Variants in PLXND1 observed in about 807,000 individuals in gnomAD.
PLXND1 encodes plexin D1.
A neutral mutation model predicts 197.7 loss-of-function variants in PLXND1; 54 were observed. The observed-to-expected ratio is 0.27, with a 90% CI of 0.22 to 0.34. The LOEUF (loss-of-function observed/expected upper bound fraction) is 0.34, where lower values mean the gene tolerates loss of function less well. Ranked by LOEUF, PLXND1 falls within the 10% of genes least tolerant of loss-of-function variation. The probability of loss-of-function intolerance (pLI) is 1.00; values close to 1 mark genes in which losing one functional copy is unlikely to be tolerated. For synonymous variants in PLXND1, 1,180 were observed against 1,161.2 expected (o/e 1.02, Z -0.33); for missense variants, 2,127 against 2,699.2 (o/e 0.79, Z 4.70).
At chr3:129,587,100 C>A (rs886068047) in intron 2 of PLXND1, among the ~76,000 whole-genome samples, 40 of 152,324 alleles carry the variant, frequency 2.6e-4, no homozygotes, top group African/African-American at 9.1e-4. Flanking sequence ...GCTGCCTCCC[C>A]TCTCTGAGCC....
intron 19 of PLXND1, 80 bp from the exon 20 acceptor site, chr3:129,570,037 T>C (rs1336042664): frequency 1.2e-6 from 1 of 811,846 alleles, no homozygotes; most frequent in Non-Finnish European, 2.1e-6. Flanking sequence ...TGTGTGGCCC[T>C]GGGTAAATTA....
chr3:129,584,625 G>A (rs1490009087), intron 5 of PLXND1, 63 bp from the exon 6 acceptor site: 3 of 1,487,770 alleles, frequency 2.0e-6, no homozygotes, highest in Non-Finnish European at 2.7e-6. Context: ...CTGCCCCAGG[G>A]CTGTGCACCA....
At chr3:129,602,821 G>A (rs1384255967) in intron 1 of PLXND1, among the ~76,000 whole-genome samples, 1 of 152,130 alleles carries the variant, frequency 6.6e-6, no homozygotes, top group African/African-American at 2.4e-5. Context: ...TGCATTTATC[G>A]ATTCATCTAG....
chr3:129,603,567 G>A (rs2085741904), intron 1 of PLXND1, among the ~76,000 whole-genome samples: 1 of 152,120 alleles, frequency 6.6e-6, no homozygotes, highest in African/African-American at 2.4e-5. Flanking sequence ...GGAGATGGTG[G>A]ATGAACCAAC....
chr3:129,560,901 T>C (rs923415586), intron 29 of PLXND1, 178 bp from the exon 30 acceptor site: 5 of 685,114 alleles, frequency 7.3e-6, no homozygotes, highest in Non-Finnish European at 1.1e-5. Context: ...AAAGAGACAG[T>C]CAGAGAGAAT....
Position 129,571,265 on chromosome 3 carries a change from C to A in PLXND1, c.3375G>T (p.Pro1125=), listed in dbSNP as rs777992382. ...KVLNSTLITC[P]SPGALSNASA... ...ATGCGTTGCTCAGGGCCCCGGGGGA[C>A]GGGCAGGTGATGAGGGTGGAGTTGA... Residue 1125 remains proline (P), a synonymous_variant, in exon 18 of 36, where the codon CCG becomes CCT. Transcript: ENST00000324093. 1 of 1,613,784 alleles carries A rather than the reference C, an allele frequency of 6.2e-7. No individual in the cohort carries two copies. The highest frequency in any genetic ancestry group is 8.5e-7 in the Non-Finnish European group (1 of 1,179,846).
intron 15 of PLXND1, 107 bp downstream of exon 15, chr3:129,572,502 G>T (rs959199204): frequency 1.3e-5 from 13 of 985,710 alleles, no homozygotes; most frequent in African/African-American, 1.7e-5. Flanking sequence ...CACAGCCAAT[G>T]AAGACCCAAG....
At position 129,557,374 on chromosome 3, in the gene PLXND1, C is replaced by T. The variant is rs566783557; in HGVS notation, c.5446-151G>A. 29 of 769,726 alleles carry T rather than the reference C, an allele frequency of 3.8e-5. No homozygotes were observed. The highest frequency in any genetic ancestry group is 5.5e-5 in the East Asian group (2 of 36,604). The allele number at this position is 769,726 out of a possible 1,614,324, so 47.7% of individuals were successfully genotyped here. A position where few individuals can be genotyped will look rare whatever the true frequency, so the allele number is the denominator to read the frequency against. On this transcript the variant is annotated intron_variant, in intron 33 of 35. Transcript: ENST00000324093. This position sits in a 1 kb window ranked among gnomAD's most constrained non-coding sequence, Gnocchi z 4.8. ...GTCTCACCCGGTCACTGAACGTCCC[C>T]GCACTCAGCCGGCCCCAGACCAGGG...
chr3:129,562,690 G>T, intron 27 of PLXND1, 97 bp downstream of exon 27: 1 of 1,153,540 alleles, frequency 8.7e-7, no homozygotes, highest in Non-Finnish European at 1.2e-6. Flanking sequence ...CCACATTCAT[G>T]CACCCATGCC....
At chr3:129,565,593 C>G in intron 24 of PLXND1, 55 bp from the exon 25 acceptor site, 1 of 1,485,898 alleles carries the variant, frequency 6.7e-7, no homozygotes, top group Non-Finnish European at 9.3e-7. Flanking sequence ...AGCTGTGGGT[C>G]CCAGGGTCTC....
intron 1 of PLXND1, among the ~76,000 whole-genome samples, chr3:129,590,450 C>T (rs545391633): frequency 2.6e-5 from 4 of 152,210 alleles, no homozygotes; most frequent in South Asian, 2.1e-4. Flanking sequence ...TCCGCAAAGA[C>T]GCAGGCACAA....
In PLXND1 at chr3:129,572,909, G is replaced by C. The variant is rs767983898; in HGVS notation, c.2870C>G (p.Pro957Arg). The C allele has an allele frequency of 6.2e-7, 1 of 1,613,580 alleles. No individual in the cohort carries two copies. The highest frequency in any genetic ancestry group is 1.3e-5 in the African/African-American group (1 of 74,934). ...GTTCACGGTCACCACACCTGAGAGTGGTCCTGGGGCTGGCCCTGTGACACA... is the reference window on the plus strand; with the variant it reads ...GTTCACGGTCACCACACCTGAGAGTCGTCCTGGGGCTGGCCCTGTGACACA... ...IVCVTGPAPG[P>R]LSGVVTVNAS... Residue 957 changes from proline (P) to arginine (R), a missense_variant, in exon 14 of 36, where the codon CCA (proline) becomes CGA (arginine). Coordinates refer to ENST00000324093, the MANE Select transcript of PLXND1 (RefSeq NM_015103.3).
At chr3:129,581,395 TG>T (rs1164382230) in intron 8 of PLXND1, among the ~76,000 whole-genome samples, 1 of 152,176 alleles carries the variant, frequency 6.6e-6, no homozygotes, top group Admixed American at 6.5e-5. Context: ...GACGCTGCCA[TG>T]GAACTCCCTC....
intron 1 of PLXND1, among the ~76,000 whole-genome samples, chr3:129,602,343 C>A (rs774402514): frequency 1.5e-4 from 23 of 152,220 alleles, no homozygotes; most frequent in Non-Finnish European, 3.1e-4. Flanking sequence ...CGCAGACCCC[C>A]TCGAGCCTGC....
chr3:129,572,011 C>T (rs2085241435), intron 15 of PLXND1, among the ~76,000 whole-genome samples, 167 bp from the exon 16 acceptor site: 1 of 152,134 alleles, frequency 6.6e-6, no homozygotes, highest in Non-Finnish European at 1.5e-5. Flanking sequence ...TGTTTCCTTA[C>T]ACTTCCAAAT....
rs1311878767 is a variant in PLXND1, at chr3:129,557,030, C to T, written c.5586+53G>A. 34 of 1,597,782 alleles carry T rather than the reference C, an allele frequency of 2.1e-5. No homozygotes were observed. The highest frequency in any genetic ancestry group is 2.9e-5 in the Non-Finnish European group (34 of 1,172,116). ...GAGGCATTGAGGCCCAGCCCCCGAC[C>T]CCCGATCCCTCAGCTCTTCAGGCCC... is the stretch of plus-strand genomic sequence containing the variant. On this transcript the variant is annotated intron_variant, in intron 34 of 35. Coordinates refer to ENST00000324093, the MANE Select transcript of PLXND1 (RefSeq NM_015103.3). This position sits in a 1 kb window ranked among gnomAD's most constrained non-coding sequence, Gnocchi z 4.8.
chr3:129,603,630 C>T (rs576582377), intron 1 of PLXND1, among the ~76,000 whole-genome samples: 1 of 152,312 alleles, frequency 6.6e-6, no homozygotes, highest in South Asian at 2.1e-4. Context: ...GCCCTGCTCA[C>T]CCACCGTGAC....
chr3:129,557,078 C>T lies in PLXND1; in HGVS notation c.5586+5G>A, dbSNP rs753091263. ...CCCCCATCCCCCGCCGCCGAGCCACCGCACCCTCGACTCCTCGGCCAGATG... is the reference window on the plus strand; with the variant it reads ...CCCCCATCCCCCGCCGCCGAGCCACTGCACCCTCGACTCCTCGGCCAGATG... On this transcript the variant is annotated splice_donor_5th_base_variant and intron_variant, in intron 34 of 35. Transcript: ENST00000324093. The surrounding 1 kb of genome is among the most constrained non-coding windows in gnomAD (Gnocchi z 4.8). 9 of 1,613,606 alleles carry T rather than the reference C, an allele frequency of 5.6e-6. No homozygotes were observed. Among genetic ancestry groups the T allele is most frequent in the Admixed American group, 1.7e-5 (1 of 60,006 alleles).
chr3:129,559,859 C>A, intron 31 of PLXND1, 76 bp from the exon 32 acceptor site: 2 of 1,274,200 alleles, frequency 1.6e-6, no homozygotes, highest in South Asian at 1.7e-5. Flanking sequence ...GGTGGCTCTG[C>A]GGAGCTTGAA....
Sources: allele counts gnomAD v4.1 joint callset (sites outside exome capture counted in the v4.1 genomes callset), GRCh38; gene constraint gnomAD v4.1.1; non-coding constraint Gnocchi (gnomAD v3.1); transcripts MANE v1.5; gene names NCBI Gene and HGNC (gene_info 2026-07-23, HGNC 2026-07-21).